Variants in PPFIA2 observed in about 807,000 individuals in gnomAD.
PPFIA2 encodes liprin-alpha-2.
Under a neutral mutation model 175.5 loss-of-function variants are expected in PPFIA2, and 46 were observed. The ratio of observed to expected loss-of-function variants is 0.26; its 90% confidence interval spans 0.21 to 0.34. The LOEUF is 0.34. PPFIA2 is among the 10% of genes least tolerant of loss of function. The pLI is 1.00. For synonymous variants in PPFIA2, 568 were observed against 511.4 expected, an observed-to-expected ratio of 1.11 and a Z score of -1.49; for missense variants, 1,179 against 1,506.1, an observed-to-expected ratio of 0.78 and a Z score of 3.60.
At chr12:81,694,070 T>TA (rs985194439) in intron 3 of PPFIA2, among the ~76,000 whole-genome samples, 16 of 152,216 alleles carry the variant, frequency 1.1e-4, no homozygotes, top group African/African-American at 3.6e-4. Context: ...AATTTATGTT[T>TA]AAAAAAACAA....
intron 22 of PPFIA2, among the ~76,000 whole-genome samples, chr12:81,322,027 G>C (rs2053766713): frequency 6.6e-6 from 1 of 152,044 alleles, no homozygotes; most frequent in African/African-American, 2.4e-5. Context: ...GTAAAAACAG[G>C]GTCTCACTCT....
At chr12:81,369,028 C>T in intron 12 of PPFIA2, 83 bp downstream of exon 12, 6 of 1,307,150 alleles carry the variant, frequency 4.6e-6, no homozygotes, top group Non-Finnish European at 4.2e-6. Flanking sequence ...ATAACCCATA[C>T]TCAGTTAAAG....
chr12:81,690,868 TCCTC>T (rs1413244130), intron 3 of PPFIA2, among the ~76,000 whole-genome samples: 2 of 152,122 alleles, frequency 1.3e-5, no homozygotes, highest in Non-Finnish European at 2.9e-5. Flanking sequence ...TATGGCCTCT[TCCTC>T]CATCTTCAAA....
intron 3 of PPFIA2, among the ~76,000 whole-genome samples, chr12:81,692,940 T>C (rs1453824215): frequency 6.6e-6 from 1 of 152,142 alleles, no homozygotes; most frequent in African/African-American, 2.4e-5. Context: ...TAATTATTTA[T>C]AAATAGCTTG....
At chr12:81,446,328 A>G (rs1054660212) in intron 5 of PPFIA2, among the ~76,000 whole-genome samples, 3 of 152,214 alleles carry the variant, frequency 2.0e-5, no homozygotes, top group Admixed American at 6.5e-5. Flanking sequence ...GTTAGAATCT[A>G]TGATTTCCCA....
chr12:81,688,874 T>C (rs973000901), intron 3 of PPFIA2, among the ~76,000 whole-genome samples: 1 of 149,896 alleles, frequency 6.7e-6, no homozygotes, highest in African/African-American at 2.4e-5. Flanking sequence ...AATACATATT[T>C]ATTTAACCGT....
intron 28 of PPFIA2, among the ~76,000 whole-genome samples, chr12:81,270,115 T>C (rs2038636772): frequency 6.6e-6 from 1 of 152,232 alleles, no homozygotes; most frequent in Admixed American, 6.5e-5. Flanking sequence ...TTGTTATACA[T>C]GGATTTTGTT....
intron 4 of PPFIA2, chr12:81,512,344 C>G (rs2061900422): frequency 7.8e-7 from 1 of 1,288,538 alleles, no homozygotes; most frequent in South Asian, 1.2e-5. Flanking sequence ...CTCTTATGTA[C>G]CTGCAGCCAA....
chr12:81,483,658 AAAAGGT>A (rs1416727035), intron 4 of PPFIA2, among the ~76,000 whole-genome samples: 6 of 152,060 alleles, frequency 3.9e-5, no homozygotes, highest in Admixed American at 3.9e-4. Flanking sequence ...TATACACTTT[AAAAGGT>A]GAATTTTATG....
intron 4 of PPFIA2, among the ~76,000 whole-genome samples, chr12:81,597,237 G>A (rs1023902456): frequency 3.9e-5 from 6 of 152,078 alleles, no homozygotes; most frequent in African/African-American, 1.4e-4. Context: ...AAAGAAGATA[G>A]AATCTGATCT....
At chr12:81,659,512 C>T (rs990370249) in intron 4 of PPFIA2, among the ~76,000 whole-genome samples, 1 of 152,118 alleles carries the variant, frequency 6.6e-6, no homozygotes, top group Non-Finnish European at 1.5e-5. Flanking sequence ...GGGAGAGGGG[C>T]GCCCGCCATT....
intron 3 of PPFIA2, among the ~76,000 whole-genome samples, chr12:81,692,214 CCA>C (rs2075339250): frequency 6.6e-6 from 1 of 151,848 alleles, no homozygotes; most frequent in South Asian, 2.1e-4. Flanking sequence ...CTCATGCCAA[CCA>C]CTAGCCAGGA....
intron 22 of PPFIA2, among the ~76,000 whole-genome samples, chr12:81,303,468 GA>G (rs2048372763): frequency 6.6e-6 from 1 of 152,112 alleles, no homozygotes; most frequent in Non-Finnish European, 1.5e-5. Context: ...ACACAAACAA[GA>G]AAAGTACTAA....
At chr12:81,308,871 T>C (rs912661275) in intron 22 of PPFIA2, among the ~76,000 whole-genome samples, 3 of 152,206 alleles carry the variant, frequency 2.0e-5, no homozygotes, top group African/African-American at 4.8e-5. Flanking sequence ...TTCATTTCAA[T>C]TGATTTTGTA....
chr12:81,622,834 C>A (rs1004319169), intron 4 of PPFIA2, among the ~76,000 whole-genome samples: 1 of 152,100 alleles, frequency 6.6e-6, no homozygotes, highest in Non-Finnish European at 1.5e-5. Flanking sequence ...TAAAACTACA[C>A]ATATCATCAT....
chr12:81,494,288 T>C (rs2059775502), intron 4 of PPFIA2, among the ~76,000 whole-genome samples: 1 of 151,796 alleles, frequency 6.6e-6, no homozygotes, highest in Non-Finnish European at 1.5e-5. Flanking sequence ...GCAAAGGACA[T>C]GAACAGACAC....
intron 4 of PPFIA2, among the ~76,000 whole-genome samples, chr12:81,570,609 T>A (rs1474938203): frequency 6.6e-6 from 1 of 151,846 alleles, no homozygotes; most frequent in East Asian, 1.9e-4. Context: ...TTTTAAAAAT[T>A]GAAGCATTCT....
At chr12:81,671,154 C>G (rs1408408029) in intron 4 of PPFIA2, among the ~76,000 whole-genome samples, 1 of 151,900 alleles carries the variant, frequency 6.6e-6, no homozygotes, top group Non-Finnish European at 1.5e-5. Flanking sequence ...TGAAAATGCT[C>G]TATCTCGTTG....
chr12:81,456,340 C>T (rs897755028), intron 5 of PPFIA2, among the ~76,000 whole-genome samples: 1 of 152,162 alleles, frequency 6.6e-6, no homozygotes, highest in African/African-American at 2.4e-5. Context: ...ATCCATTTGA[C>T]AGGTTCATCA....
Sources: allele counts gnomAD v4.1 joint callset (sites outside exome capture counted in the v4.1 genomes callset), GRCh38; gene constraint gnomAD v4.1.1; transcripts MANE v1.5; gene names NCBI Gene and HGNC (gene_info 2026-07-23, HGNC 2026-07-21).